Variants in CNTNAP2 observed in about 807,000 individuals in gnomAD.
CNTNAP2 encodes contactin-associated protein-like 2.
A neutral mutation model predicts 155.2 loss-of-function variants in CNTNAP2; 98 were observed. That is an observed-to-expected ratio of 0.63 (90% CI 0.54 to 0.75). The LOEUF (loss-of-function observed/expected upper bound fraction) is 0.75, where lower values mean the gene tolerates loss of function less well. Among genes scored for constraint, CNTNAP2 ranks in the 30% least tolerant of loss-of-function variants. The pLI is 0.00. For missense variants in CNTNAP2, 1,727 were observed against 1,688.1 expected (o/e 1.02, Z -0.40); for synonymous variants, 651 against 631.2 (o/e 1.03, Z -0.47).
intron 11 of CNTNAP2, among the ~76,000 whole-genome samples, chr7:147,506,248 T>G (rs1252768233): frequency 6.6e-6 from 1 of 152,102 alleles, no homozygotes; most frequent in Non-Finnish European, 1.5e-5. Context: ...ATTTTTTGTT[T>G]GTTTGTTCTG....
intron 9 of CNTNAP2, among the ~76,000 whole-genome samples, chr7:147,326,790 G>A (rs1302109642): frequency 6.6e-6 from 1 of 152,210 alleles, no homozygotes; most frequent in African/African-American, 2.4e-5. Context: ...ACGTATAGAA[G>A]TGAATGTTTC....
At position 147,968,267 on chromosome 7, in the gene CNTNAP2, A is replaced by C. The variant is rs1801260324; in HGVS notation, c.2256-9595A>C. On this transcript the variant is annotated intron_variant, in intron 14 of 23. Coordinates refer to ENST00000361727, the MANE Select transcript of CNTNAP2 (RefSeq NM_014141.6). ...GGCTTTCTAAGAGAAGTCTAAATTG[A>C]ACAGATAATTGTCTCACATTTTGTA... is the stretch of plus-strand genomic sequence containing the variant. 2.6e-5 allele frequency among the ~76,000 whole-genome samples: 4 copies of C among 152,244 alleles called. No homozygotes were observed. In the South Asian group the frequency reaches 8.3e-4, roughly 31 times the overall value.
intron 21 of CNTNAP2, among the ~76,000 whole-genome samples, chr7:148,363,551 G>A (rs1798665821): frequency 6.6e-6 from 1 of 152,182 alleles, no homozygotes; most frequent in Non-Finnish European, 1.5e-5. Flanking sequence ...CCTTCATGCT[G>A]GAGGAACCTC....
intron 1 of CNTNAP2, among the ~76,000 whole-genome samples, chr7:146,642,287 T>C (rs1799723208): frequency 6.7e-6 from 1 of 149,524 alleles, no homozygotes; most frequent in Non-Finnish European, 1.5e-5. Context: ...TAGGTATATC[T>C]CCTAAAGCTA....
At chr7:146,674,305 C>T (rs1482808848) in intron 1 of CNTNAP2, among the ~76,000 whole-genome samples, 1 of 152,102 alleles carries the variant, frequency 6.6e-6, no homozygotes, top group Non-Finnish European at 1.5e-5. Context: ...ATGTGTCAGA[C>T]ATTTTATAAG....
Position 147,246,068 on chromosome 7 carries a change from G to C in CNTNAP2, c.1349-54073G>C, listed in dbSNP as rs192717354. Among the ~76,000 whole-genome samples the C allele has an allele frequency of 2.7e-3, 405 of 147,454 alleles. 1 individual carries two copies. The highest frequency in any genetic ancestry group is 9.4e-3 in the African/African-American group (376 of 40,176). On this transcript the variant is annotated intron_variant, in intron 8 of 23. Coordinates refer to ENST00000361727, the MANE Select transcript of CNTNAP2 (RefSeq NM_014141.6). ...GCATATATATATACACATATATATG[G>C]CATATATATATATACATATATATGG...
At chr7:147,505,043 A>G (rs1446129889) in intron 11 of CNTNAP2, among the ~76,000 whole-genome samples, 1 of 152,054 alleles carries the variant, frequency 6.6e-6, no homozygotes, top group African/African-American at 2.4e-5. Context: ...TTCATAAAAC[A>G]CTAGTATGAT....
chr7:146,239,316 T>C (rs995838766), intron 1 of CNTNAP2, among the ~76,000 whole-genome samples: 11 of 152,180 alleles, frequency 7.2e-5, no homozygotes, highest in Non-Finnish European at 1.3e-4. Context: ...CTTTCTTATT[T>C]TCTGCTGAGG....
chr7:147,153,671 A>C (rs763345774), intron 8 of CNTNAP2, among the ~76,000 whole-genome samples: 13 of 152,204 alleles, frequency 8.5e-5, no homozygotes, highest in Non-Finnish European at 1.6e-4. Flanking sequence ...AACATAATGC[A>C]GTGAACAGCG....
chr7:148,203,380 T>C (rs1247023531), intron 18 of CNTNAP2, among the ~76,000 whole-genome samples: 4 of 152,220 alleles, frequency 2.6e-5, no homozygotes, highest in Non-Finnish European at 5.9e-5. Flanking sequence ...CATCTGCACA[T>C]GTAAACTACC....
intron 1 of CNTNAP2, among the ~76,000 whole-genome samples, chr7:146,688,354 A>G (rs1244303355): frequency 6.6e-6 from 1 of 152,070 alleles, no homozygotes; most frequent in Non-Finnish European, 1.5e-5. Context: ...ATCCATGTGA[A>G]GCGACCACCA....
chr7:146,624,611 C>G (rs754306884), intron 1 of CNTNAP2, among the ~76,000 whole-genome samples: 1 of 151,900 alleles, frequency 6.6e-6, no homozygotes, highest in Non-Finnish European at 1.5e-5. Flanking sequence ...CTCTGCCAAT[C>G]CCTCATAGTT....
intron 18 of CNTNAP2, among the ~76,000 whole-genome samples, chr7:148,176,250 T>C (rs1344403337): frequency 6.9e-6 from 1 of 145,028 alleles, no homozygotes; most frequent in African/African-American, 2.5e-5. Context: ...AGATGGAGTT[T>C]CTCTCTTGTC....
At chr7:147,095,178 C>G (rs564563517) in intron 4 of CNTNAP2, among the ~76,000 whole-genome samples, 1 of 142,342 alleles carries the variant, frequency 7.0e-6, no homozygotes, top group South Asian at 2.4e-4. Flanking sequence ...CACCACCACG[C>G]CTGGCTAATT....
In CNTNAP2 at chr7:146,975,381, C is replaced by T. The variant is rs146027721; in HGVS notation, c.403-68526C>T. ...TCAGGAGGCTGAGGCAGGAGAATCG[C>T]TTGAACCTGGCAGACAGAGGTTAAA... On this transcript the variant is annotated intron_variant, in intron 3 of 23. Coordinates refer to ENST00000361727, the MANE Select transcript of CNTNAP2 (RefSeq NM_014141.6). 5.9e-3 allele frequency among the ~76,000 whole-genome samples: 892 copies of T among 152,276 alleles called. 9 individuals are homozygous for T. Among genetic ancestry groups the T allele is most frequent in the African/African-American group, 0.02 (811 of 41,552 alleles).
intron 21 of CNTNAP2, among the ~76,000 whole-genome samples, chr7:148,298,759 A>G (rs1380970608): frequency 6.6e-6 from 1 of 152,124 alleles, no homozygotes; most frequent in Non-Finnish European, 1.5e-5. Flanking sequence ...TGGTACAATC[A>G]TGGCTTACTG....
chr7:146,248,901 T>A (rs1398648981), intron 1 of CNTNAP2, among the ~76,000 whole-genome samples: 1 of 151,810 alleles, frequency 6.6e-6, no homozygotes, highest in African/African-American at 2.4e-5. Flanking sequence ...GCAGGCTGAG[T>A]CCGAAAAGAG....
intron 13 of CNTNAP2, among the ~76,000 whole-genome samples, chr7:147,746,135 C>T (rs1290767334): frequency 6.6e-6 from 1 of 152,164 alleles, no homozygotes; most frequent in East Asian, 1.9e-4. Flanking sequence ...GTGCTTCCTT[C>T]TGTGGGAGAA....
intron 9 of CNTNAP2, among the ~76,000 whole-genome samples, chr7:147,390,219 G>A (rs144945254): frequency 1.2e-4 from 18 of 152,218 alleles, no homozygotes; most frequent in East Asian, 9.7e-4. Context: ...TATTCCACCA[G>A]TTACATAATG....
Sources: gnomAD v4.1 joint callset for allele counts (sites outside exome capture counted in the v4.1 genomes callset) on GRCh38, gnomAD v4.1.1 for gene constraint, MANE v1.5 for transcripts, NCBI Gene and HGNC (gene_info 2026-07-23, HGNC 2026-07-21) for gene names.